The following ALKBH3 variants were observed in gnomAD, a reference collection of about 807,000 sequenced individuals.
ALKBH3 encodes the protein alkB homolog 3, alpha-ketoglutarate dependent dioxygenase.
Under a neutral mutation model 43.9 loss-of-function variants are expected in ALKBH3, and 51 were observed. The ratio of observed to expected loss-of-function variants is 1.16; its 90% CI spans 0.93 to 1.47. The LOEUF is 1.47. Among genes scored for constraint, ALKBH3 ranks in the 40% most tolerant of loss-of-function variants. The pLI is 0.00. For missense variants in ALKBH3, 361 were observed against 351.9 expected (o/e 1.03, Z -0.21); for synonymous variants, 102 against 115.2 (o/e 0.89, Z 0.73).
chr11:43,882,660 A>G lies in ALKBH3; in HGVS notation c.8A>G (p.Glu3Gly), dbSNP rs1371194434. ...GAAGCCTTTTTGGTCAACATGGAGG[A>G]AAAAAGACGGCGAGCCCGAGTTCAG... is the stretch of plus-strand genomic sequence containing the variant. The part of the protein sequence containing the change: ME[E>G]KRRRARVQGA... Residue 3 changes from glutamate (E) to glycine (G), a missense_variant, in exon 2 of 10, where the codon GAA (glutamate) becomes GGA (glycine). By Grantham distance (98) the Glu-to-Gly change is moderately conservative. Transcript: ENST00000302708. 6.2e-7 allele frequency: 1 copy of G among 1,612,310 alleles called. No homozygotes were observed. The highest frequency in any genetic ancestry group is 8.5e-7 in the Non-Finnish European group (1 of 1,179,316).
At chr11:43,889,951 A>G in intron 6 of ALKBH3, 123 bp downstream of exon 6, 1 of 822,654 alleles carries the variant, frequency 1.2e-6, no homozygotes. Flanking sequence ...CTGAGATCCT[A>G]AGAAAGTAGA....
At chr11:43,908,699 T>A (rs1951914378) in intron 8 of ALKBH3, among the ~76,000 whole-genome samples, 1 of 152,222 alleles carries the variant, frequency 6.6e-6, no homozygotes, top group African/African-American at 2.4e-5. Context: ...ATTCGGTAAC[T>A]TCTTACCCCC....
chr11:43,904,015 A>AACT (rs1655272794), intron 8 of ALKBH3, among the ~76,000 whole-genome samples: 1 of 152,216 alleles, frequency 6.6e-6, no homozygotes, highest in South Asian at 2.1e-4. Flanking sequence ...TGGAGAGCAT[A>AACT]ACTACTACAT....
intron 5 of ALKBH3, among the ~76,000 whole-genome samples, chr11:43,888,332 G>A (rs61883992): frequency 8.3e-5 from 2 of 24,154 alleles, no homozygotes; most frequent in Non-Finnish European, 2.7e-4. Flanking sequence ...TGAACTCCTG[G>A]GCTCAAGTGA....
At chr11:43,914,888 A>G (rs1383811431) in intron 8 of ALKBH3, among the ~76,000 whole-genome samples, 1 of 152,108 alleles carries the variant, frequency 6.6e-6, no homozygotes, top group South Asian at 2.1e-4. Context: ...AGAAACACAA[A>G]CAGCAAACAG....
At chr11:43,897,149 G>A (rs1388077616) in intron 7 of ALKBH3, 1 of 450,498 alleles carries the variant, frequency 2.2e-6, no homozygotes. Flanking sequence ...CTGGCTGACA[G>A]TGGCTTTATA....
intron 4 of ALKBH3, among the ~76,000 whole-genome samples, chr11:43,885,711 A>C (rs1309877857): frequency 1.3e-5 from 2 of 152,230 alleles, no homozygotes; most frequent in Non-Finnish European, 2.9e-5. Context: ...ATGTGCAGAC[A>C]CTGGGAAGCA....
In ALKBH3 at chr11:43,889,742, G is replaced by A; in HGVS notation, c.284G>A (p.Gly95Asp). 6.2e-7 allele frequency: 1 copy of A among 1,613,986 alleles called. No individual in the cohort carries two copies. Among genetic ancestry groups the A allele is most frequent in the Non-Finnish European group, 8.5e-7 (1 of 1,179,952 alleles). ...TGVSRVCLYP[G>D]FVDVKEADWI... The stretch of plus-strand genomic sequence containing the variant: ...GCACCCAGGGTCTGTTTGTATCCTG[G>A]CTTTGTTGACGTGAAAGAAGCTGAC... Residue 95 changes from glycine (G) to aspartate (D), a missense_variant, in exon 6 of 10, where the codon GGC becomes GAC. Gly to Asp is a moderately conservative substitution (Grantham distance 94, BLOSUM62 -1). Coordinates refer to ENST00000302708, the MANE Select transcript of ALKBH3 (RefSeq NM_139178.4).
At chr11:43,891,192 A>C (rs1402375555) in intron 6 of ALKBH3, among the ~76,000 whole-genome samples, 1 of 151,928 alleles carries the variant, frequency 6.6e-6, no homozygotes, top group Non-Finnish European at 1.5e-5. Flanking sequence ...CCTTCTCTCA[A>C]CTCCCACAGT....
intron 7 of ALKBH3, among the ~76,000 whole-genome samples, chr11:43,901,208 G>A (rs1257119474): frequency 2.0e-5 from 3 of 152,112 alleles, no homozygotes; most frequent in African/African-American, 7.2e-5. Flanking sequence ...GAAAATACAT[G>A]GCAAAGGCCA....
intron 8 of ALKBH3, 72 bp downstream of exon 8, chr11:43,901,797 C>G: frequency 1.3e-6 from 2 of 1,515,116 alleles, no homozygotes; most frequent in Non-Finnish European, 1.8e-6. Flanking sequence ...CTCCTAAAAG[C>G]TTCTACTTTC....
intron 4 of ALKBH3, among the ~76,000 whole-genome samples, chr11:43,884,710 A>G (rs572038567): frequency 1.4e-4 from 22 of 152,278 alleles, no homozygotes; most frequent in East Asian, 3.9e-4. Flanking sequence ...ATTGGCTTGT[A>G]TATCTTAGAA....
At position 43,920,209 on chromosome 11, in the gene ALKBH3, C is replaced by G; in HGVS notation, c.*199C>G. The G allele has an allele frequency of 1.8e-6, 1 of 546,420 alleles. No homozygotes were observed. The allele number at this position is 546,420 out of a possible 1,614,324, so 33.8% of individuals were successfully genotyped here. ...AGGTCTACTGTGGGAACAGTTATCC[C>G]TAACCACAGCTCAAAATCGCTATCA... On this transcript the variant is annotated 3_prime_UTR_variant, in exon 10 of 10. Transcript: ENST00000302708.
chr11:43,916,147 C>T (rs1162684524), intron 8 of ALKBH3, among the ~76,000 whole-genome samples: 2 of 152,194 alleles, frequency 1.3e-5, no homozygotes, highest in African/African-American at 4.8e-5. Context: ...GTATGAATTA[C>T]CTTTCCAATG....
chr11:43,903,245 G>A (rs568147426), intron 8 of ALKBH3, among the ~76,000 whole-genome samples: 23 of 152,256 alleles, frequency 1.5e-4, no homozygotes, highest in African/African-American at 5.5e-4. Flanking sequence ...ATACCAAGGA[G>A]TACCACTTGA....
At chr11:43,894,108 C>T (rs1033568798) in intron 7 of ALKBH3, among the ~76,000 whole-genome samples, 2 of 152,122 alleles carry the variant, frequency 1.3e-5, no homozygotes, top group African/African-American at 2.4e-5. Flanking sequence ...CTTAATATCC[C>T]GTACAAAATA....
At chr11:43,899,669 C>G (rs1565126234) in intron 7 of ALKBH3, 13 of 394,112 alleles carry the variant, frequency 3.3e-5, no homozygotes, top group Non-Finnish European at 1.9e-5. Flanking sequence ...CCTCTCACCT[C>G]TAGAGAGCAA....
intron 8 of ALKBH3, among the ~76,000 whole-genome samples, chr11:43,903,874 G>A (rs1293791378): frequency 6.6e-6 from 1 of 152,116 alleles, no homozygotes; most frequent in Non-Finnish European, 1.5e-5. Flanking sequence ...CTGGTGCCCA[G>A]AAATACCCCG....
intron 7 of ALKBH3, chr11:43,899,237 A>G: frequency 1.4e-6 from 1 of 740,410 alleles, no homozygotes; most frequent in African/African-American, 1.7e-5. Flanking sequence ...TGACTACAGC[A>G]TGGTGGAATT....
Sources: allele counts gnomAD v4.1 joint callset (sites outside exome capture counted in the v4.1 genomes callset), GRCh38; gene constraint gnomAD v4.1.1; transcripts MANE v1.5; gene names NCBI Gene and HGNC (gene_info 2026-07-23, HGNC 2026-07-21).